The following SIN3B variants were observed in gnomAD, a reference collection of about 807,000 sequenced individuals.
The protein encoded by SIN3B is paired amphipathic helix protein Sin3b.
Under a neutral mutation model 120.2 loss-of-function variants are expected in SIN3B, and 19 were observed. The observed-to-expected ratio is 0.16, with a 90% CI of 0.11 to 0.23. The LOEUF (loss-of-function observed/expected upper bound fraction) is 0.23. Ranked by LOEUF, SIN3B falls within the 10% of genes least tolerant of loss-of-function variation. The probability of loss-of-function intolerance (pLI) is 1.00; values close to 1 mark genes in which losing one functional copy is unlikely to be tolerated. For synonymous variants in SIN3B, 654 were observed against 653.2 expected (o/e 1.00, Z -0.02); for missense variants, 1,073 against 1,573.0 (o/e 0.68, Z 5.38).
intron 8 of SIN3B, among the ~76,000 whole-genome samples, chr19:16,858,792 A>G (rs182722875): frequency 3.4e-4 from 52 of 152,242 alleles, no homozygotes; most frequent in South Asian, 1.9e-3. Flanking sequence ...TCTACTAAAA[A>G]TAAAAAAATT....
Position 16,876,424 on chromosome 19 carries a change from G to A in SIN3B, c.2767-62G>A. The A allele has an allele frequency of 2.6e-6, 4 of 1,566,390 alleles. No homozygotes were observed. The South Asian group carries it at 3.4e-5, about 13-fold the overall frequency. ...AGGCGGGAGGCGGGTGGCCTTGCGA[G>A]CCTGCGCTGTGCCGGCTGGGCTGTG... On this transcript the variant is annotated intron_variant, in intron 15 of 18. Coordinates refer to ENST00000248054, the MANE Select transcript of SIN3B (RefSeq NM_001297595.2). The surrounding 1 kb of genome is among the most constrained non-coding windows in gnomAD (Gnocchi z 7.1).
At chr19:16,830,608 A>C (rs1158702314) in intron 2 of SIN3B, among the ~76,000 whole-genome samples, 1 of 152,126 alleles carries the variant, frequency 6.6e-6, no homozygotes, top group African/African-American at 2.4e-5. Context: ...TGCTTACCAT[A>C]CTGCTGCCCC....
chr19:16,842,050 G>T (rs892186192), intron 4 of SIN3B, 82 bp downstream of exon 4: 22 of 1,174,598 alleles, frequency 1.9e-5, no homozygotes, highest in Non-Finnish European at 2.7e-5. Flanking sequence ...TTTTCTTGTC[G>T]GAATTCATAA....
chr19:16,838,970 CTTT>C (rs34648986), intron 3 of SIN3B, among the ~76,000 whole-genome samples: 2 of 86,590 alleles, frequency 2.3e-5, no homozygotes, highest in African/African-American at 4.9e-5. Flanking sequence ...CCGCGCCTGG[CTTT>C]TTTTTTTTTT....
chr19:16,853,209 G>A (rs2144597095), intron 7 of SIN3B, 51 bp downstream of exon 7: 1 of 1,539,462 alleles, frequency 6.5e-7, no homozygotes, highest in Admixed American at 1.7e-5. Context: ...CCAGCTGGCT[G>A]GGCCAATGCT....
chr19:16,853,294 G>A (rs981982815), intron 7 of SIN3B, 136 bp downstream of exon 7: 4 of 744,098 alleles, frequency 5.4e-6, no homozygotes, highest in African/African-American at 5.3e-5. Flanking sequence ...CGGCGGGGCT[G>A]GCCCCCAGCT....
At chr19:16,840,796 C>T (rs1971407635) in intron 3 of SIN3B, among the ~76,000 whole-genome samples, 3 of 152,300 alleles carry the variant, frequency 2.0e-5, no homozygotes, top group South Asian at 4.1e-4. Flanking sequence ...TGATCAAAAC[C>T]CCCACCCTCG....
rs754939022 is a variant in SIN3B, at chr19:16,871,216, T to C, written c.2423-13T>C. ...TCCAGGAGGCATATGGATGAGGCGG[T>C]GTGTCTCCGCAGGTGAAGTGGAGCT... On this transcript the variant is annotated splice_polypyrimidine_tract_variant and intron_variant, in intron 13 of 18. Transcript: ENST00000248054. The C allele has an allele frequency of 3.1e-6, 5 of 1,613,958 alleles. No individual in the cohort carries two copies. In the Admixed American group the frequency reaches 6.7e-5, roughly 22 times the overall value.
At chr19:16,845,940 G>C (rs1460366019) in intron 4 of SIN3B, among the ~76,000 whole-genome samples, 1 of 152,070 alleles carries the variant, frequency 6.6e-6, no homozygotes, top group Non-Finnish European at 1.5e-5. Context: ...CTAAGATCAA[G>C]TGTAAAATTT....
At chr19:16,854,409 C>G in intron 8 of SIN3B, 148 bp downstream of exon 8, 3 of 604,104 alleles carry the variant, frequency 5.0e-6, no homozygotes, top group Non-Finnish European at 8.7e-6. Context: ...ATTATTGATT[C>G]CCATGCATTT....
At position 16,870,027 on chromosome 19, in the gene SIN3B, A is replaced by G. The variant is rs1331538532; in HGVS notation, c.2374A>G (p.Arg792Gly). The G allele has an allele frequency of 6.2e-7, 1 of 1,611,462 alleles. No individual in the cohort carries two copies. The highest frequency in any genetic ancestry group is 8.5e-7 in the Non-Finnish European group (1 of 1,178,684). The stretch of plus-strand genomic sequence containing the variant: ...GGAGAAGCTGCTGTGTGAGGGCCGC[A>G]GGGAGAAGGGCAGCGACCCCGCCAT... Reference protein sequence around the residue: ...EREKLLCEGRREKGSDPAMEL... With the variant: ...EREKLLCEGRGEKGSDPAMEL... The change falls in exon 13 of 19, where the codon AGG becomes GGG. Residue 792 changes from arginine (R) to glycine (G), a missense_variant. Arg to Gly is a moderately radical substitution (Grantham distance 125, BLOSUM62 -2). This residue lies in a region of SIN3B where 52 missense variants were observed against 68.8 expected (regional missense o/e 0.76). Transcript: ENST00000248054.
intron 3 of SIN3B, among the ~76,000 whole-genome samples, chr19:16,834,527 GA>G (rs1486162840): frequency 2.6e-5 from 4 of 152,244 alleles, no homozygotes; most frequent in Admixed American, 6.5e-5. Context: ...CAGACCCATC[GA>G]CTTGGGGAAA....
In SIN3B at chr19:16,841,936, A is replaced by G; in HGVS notation, c.550A>G (p.Arg184Gly). The G allele has an allele frequency of 6.2e-7, 1 of 1,614,064 alleles. No homozygotes were observed. The highest frequency in any genetic ancestry group is 8.5e-7 in the Non-Finnish European group (1 of 1,179,988). The stretch of plus-strand genomic sequence containing the variant: ...CTTCCTAGACCACCCAGAAATCTAC[A>G]GGTCATTCCTGGAGATCCTGCACAC... ...TRFLDHPEIYRSFLEILHTYQ... is the reference protein window; with the variant it reads ...TRFLDHPEIYGSFLEILHTYQ... The change falls in exon 4 of 19, where the codon AGG (arginine) becomes GGG (glycine). Residue 184 changes from arginine (R) to glycine (G), a missense_variant. Around this residue, in one of 7 missense-constraint regions of SIN3B, gnomAD observed 395 missense variants for 528.0 expected, o/e 0.75. Transcript: ENST00000248054.
At chr19:16,840,288 G>A (rs1375601609) in intron 3 of SIN3B, among the ~76,000 whole-genome samples, 1 of 152,134 alleles carries the variant, frequency 6.6e-6, no homozygotes, top group Non-Finnish European at 1.5e-5. Flanking sequence ...AGTCTGATTG[G>A]TGTCCTTATA....
chr19:16,847,716 T>G (rs1357607127), intron 5 of SIN3B, among the ~76,000 whole-genome samples: 1 of 152,172 alleles, frequency 6.6e-6, no homozygotes, highest in Non-Finnish European at 1.5e-5. Context: ...TCCTCTTTTT[T>G]CCCCCACTAT....
Position 16,847,142 on chromosome 19 carries a change from C to T in SIN3B, c.726+29C>T, listed in dbSNP as rs200744398. The T allele has an allele frequency of 1.9e-4, 307 of 1,595,724 alleles. 1 individual carries two copies. The South Asian group carries it at 3.1e-3, about 16-fold the overall frequency. ...AGTGCCGAGAGCCCCTGCCCAGCCTCGGGGGCCTCAGCGAGGACGGAGGGC... is the reference window on the plus strand; with the variant it reads ...AGTGCCGAGAGCCCCTGCCCAGCCTTGGGGGCCTCAGCGAGGACGGAGGGC... On this transcript the variant is annotated intron_variant, in intron 5 of 18. Transcript: ENST00000248054.
chr19:16,875,981 G>C, intron 14 of SIN3B, 74 bp from the exon 15 acceptor site: 1 of 1,478,230 alleles, frequency 6.8e-7, no homozygotes, highest in East Asian at 2.5e-5. Context: ...GGCCTTTGTC[G>C]ACTTCCTCTG....
intron 14 of SIN3B, among the ~76,000 whole-genome samples, chr19:16,873,297 A>G (rs1242118994): frequency 6.6e-6 from 1 of 152,030 alleles, no homozygotes; most frequent in East Asian, 1.9e-4. Flanking sequence ...GGCCATGAGG[A>G]CTTAGTGAAA....
intron 3 of SIN3B, among the ~76,000 whole-genome samples, chr19:16,835,154 G>T (rs1481668231): frequency 3.3e-5 from 5 of 150,968 alleles, no homozygotes; most frequent in Non-Finnish European, 7.4e-5. Flanking sequence ...TTGAACTCCC[G>T]ACCTCACGTG....
Sources: gnomAD v4.1 joint callset for allele counts (sites outside exome capture counted in the v4.1 genomes callset) on GRCh38, gnomAD v4.1.1 for gene constraint, gnomAD v4.1.1 regional missense constraint, Gnocchi (gnomAD v3.1) non-coding constraint, MANE v1.5 for transcripts, NCBI Gene and HGNC (gene_info 2026-07-23, HGNC 2026-07-21) for gene names.